The following CACNA1E variants were observed in gnomAD, a reference collection of about 807,000 sequenced individuals.
The protein encoded by CACNA1E is calcium voltage-gated channel subunit alpha1 E.
Under a neutral mutation model 259.2 loss-of-function variants are expected in CACNA1E, and 40 were observed. The observed-to-expected ratio is 0.15, with a 90% confidence interval of 0.12 to 0.20. The LOEUF (loss-of-function observed/expected upper bound fraction) is 0.20. CACNA1E is among the 10% of genes least tolerant of loss of function. The pLI is 1.00. For missense variants in CACNA1E, 1,874 were observed against 3,040.1 expected, an observed-to-expected ratio of 0.62 and a Z score of 9.02; for synonymous variants, 1,104 against 1,138.5, an observed-to-expected ratio of 0.97 and a Z score of 0.61.
intron 7 of CACNA1E, among the ~76,000 whole-genome samples, chr1:181,706,058 G>A (rs1344501796): frequency 6.6e-6 from 1 of 152,054 alleles, no homozygotes; most frequent in Non-Finnish European, 1.5e-5. Context: ...AAATGAAAAG[G>A]AGCCAATTAC....
At chr1:181,574,720 T>C (rs1650775380) in intron 3 of CACNA1E, among the ~76,000 whole-genome samples, 1 of 152,126 alleles carries the variant, frequency 6.6e-6, no homozygotes, top group Non-Finnish European at 1.5e-5. Flanking sequence ...CTTTATTGTC[T>C]TTTTCCTCTA....
chr1:181,440,522 T>C (rs1423779254), intron 2 of CACNA1E, among the ~76,000 whole-genome samples: 3 of 150,392 alleles, frequency 2.0e-5, no homozygotes, highest in Non-Finnish European at 4.4e-5. Context: ...TTTGGGGGAG[T>C]GATTGGTCTG....
chr1:181,368,821 T>C (rs1009555898), intron 1 of CACNA1E, among the ~76,000 whole-genome samples: 11 of 152,216 alleles, frequency 7.2e-5, no homozygotes, highest in Non-Finnish European at 2.9e-5. Context: ...ACAAATGAAG[T>C]ATCTTGGAGG....
intron 6 of CACNA1E, among the ~76,000 whole-genome samples, chr1:181,645,916 G>T (rs1378600161): frequency 6.6e-6 from 1 of 152,238 alleles, no homozygotes; most frequent in Non-Finnish European, 1.5e-5. Context: ...TGTCATACTT[G>T]GTGCTGGAGG....
At chr1:181,592,460 C>T (rs1209945711) in intron 6 of CACNA1E, among the ~76,000 whole-genome samples, 1 of 135,966 alleles carries the variant, frequency 7.4e-6, no homozygotes, top group African/African-American at 2.9e-5. Context: ...TGTCCTGCCT[C>T]ACTACAGCTC....
intron 25 of CACNA1E, among the ~76,000 whole-genome samples, chr1:181,746,231 T>C (rs977813131): frequency 1.3e-5 from 2 of 152,238 alleles, no homozygotes; most frequent in Non-Finnish European, 2.9e-5. Flanking sequence ...CATATCCTTA[T>C]CTGCAGATCC....
At chr1:181,761,185 C>T (rs750535322) in intron 32 of CACNA1E, among the ~76,000 whole-genome samples, 7 of 152,156 alleles carry the variant, frequency 4.6e-5, no homozygotes, top group Non-Finnish European at 1.0e-4. Context: ...TAGTAGCTAC[C>T]TTATGGCCTT....
At chr1:181,711,682 G>A (rs555219779) in intron 8 of CACNA1E, among the ~76,000 whole-genome samples, 4 of 152,166 alleles carry the variant, frequency 2.6e-5, no homozygotes, top group Non-Finnish European at 4.4e-5. Flanking sequence ...TAGACTTGAA[G>A]AAATGAAGGA....
chr1:181,796,861 G>A lies in CACNA1E; in HGVS notation c.6399+3G>A, dbSNP rs377238885. On this transcript the variant is annotated splice_donor_region_variant and intron_variant, in intron 47 of 47. Coordinates refer to ENST00000367573, the MANE Select transcript of CACNA1E (RefSeq NM_001205293.3). ...GGTCACAGACGCCCAACAGACAGGTGAGCGCAGAGAGGAAGCCAGTCTACA... is the reference window on the plus strand; with the variant it reads ...GGTCACAGACGCCCAACAGACAGGTAAGCGCAGAGAGGAAGCCAGTCTACA... The A allele has an allele frequency of 5.1e-4, 803 of 1,580,556 alleles. 7 individuals carry two copies. In the African/African-American group the frequency reaches 9.5e-3, roughly 19 times the overall value.
At chr1:181,498,947 C>T (rs775404112) in intron 1 of CACNA1E, among the ~76,000 whole-genome samples, 8 of 151,876 alleles carry the variant, frequency 5.3e-5, no homozygotes, top group Admixed American at 1.3e-4. Flanking sequence ...AAAGGACTTA[C>T]GTAAGAAAAA....
chr1:181,400,480 T>C (rs2102079571), intron 1 of CACNA1E, among the ~76,000 whole-genome samples: 1 of 152,162 alleles, frequency 6.6e-6, no homozygotes, highest in African/African-American at 2.4e-5. Context: ...TCTGTGGGCA[T>C]TGACACCTCT....
At chr1:181,364,519 GCCAGA>G (rs1369793559) in intron 1 of CACNA1E, among the ~76,000 whole-genome samples, 2 of 152,154 alleles carry the variant, frequency 1.3e-5, no homozygotes, top group African/African-American at 2.4e-5. Flanking sequence ...AGATTGGAAG[GCCAGA>G]CCTCAGAGAT....
chr1:181,781,424 C>T lies in CACNA1E; in HGVS notation c.5268-3C>T. ...ATCCCAACTCACCACCCTCCATGAG[C>T]AGTGGCCGCATCCATTACACTGAGA... On this transcript the variant is annotated splice_polypyrimidine_tract_variant and splice_region_variant and intron_variant, in intron 38 of 47. Coordinates refer to ENST00000367573, the MANE Select transcript of CACNA1E (RefSeq NM_001205293.3). 2.0e-6 allele frequency: 3 copies of T among 1,530,614 alleles called. No individual in the cohort carries two copies. The highest frequency in any genetic ancestry group is 2.3e-5 in the South Asian group (2 of 85,152). The allele number at this position is 1,530,614 out of a possible 1,614,324, so 94.8% of individuals were successfully genotyped here.
intron 1 of CACNA1E, among the ~76,000 whole-genome samples, chr1:181,386,126 T>C (rs1655828062): frequency 6.6e-6 from 1 of 152,196 alleles, no homozygotes. Context: ...CCAGGCAATG[T>C]TCTAGGCACT....
intron 2 of CACNA1E, among the ~76,000 whole-genome samples, chr1:181,420,411 C>T (rs1301309292): frequency 6.6e-6 from 1 of 152,162 alleles, no homozygotes; most frequent in Non-Finnish European, 1.5e-5. Flanking sequence ...TTATTGTGTA[C>T]TAAGTTTTAT....
chr1:181,785,247 A>G (rs1231270584), intron 41 of CACNA1E, 71 bp from the exon 42 acceptor site: 1 of 886,352 alleles, frequency 1.1e-6, no homozygotes, highest in African/African-American at 1.6e-5. Context: ...TGGGTAACAA[A>G]GCTTAGAGGT....
rs1358732107 is a variant in CACNA1E, at chr1:181,618,085, G to A, written c.952-33253G>A. Among the ~76,000 whole-genome samples, 17 of 152,266 alleles carry A rather than the reference G, an allele frequency of 1.1e-4. No homozygotes were observed. The East Asian group carries it at 3.3e-3, about 29-fold the overall frequency. Reference sequence around the variant, plus strand: ...CTGCATGACATTTAATTCGCCTACGGTGCTGTTTTGAATGTTACAGATGAA... The same window carrying A: ...CTGCATGACATTTAATTCGCCTACGATGCTGTTTTGAATGTTACAGATGAA... On this transcript the variant is annotated intron_variant, in intron 6 of 47. Transcript: ENST00000367573.
exon 2 of CACNA1E, chr1:181,413,307 T>C (rs1398690584): frequency 6.6e-6 from 1 of 152,396 alleles, no homozygotes; most frequent in African/African-American, 2.4e-5. Context: ...CAGTGCGCTC[T>C]GCTCGAGGCC....
chr1:181,760,005 T>TA (rs753457169), intron 32 of CACNA1E, among the ~76,000 whole-genome samples: 1 of 151,994 alleles, frequency 6.6e-6, no homozygotes. Flanking sequence ...CTTGGGGAAA[T>TA]AAAAAAGTAA....
Sources: gnomAD v4.1 joint callset for allele counts (sites outside exome capture counted in the v4.1 genomes callset) on GRCh38, gnomAD v4.1.1 for gene constraint, MANE v1.5 for transcripts, NCBI Gene and HGNC (gene_info 2026-07-23, HGNC 2026-07-21) for gene names.